The following SHISA9 variants were observed in gnomAD, a reference collection of about 807,000 sequenced individuals.
The protein encoded by SHISA9 is protein shisa-9.
In SHISA9, 13 loss-of-function variants were observed where a neutral mutation model predicts 38.0. The observed-to-expected ratio is 0.34, with a 90% confidence interval of 0.22 to 0.54. The LOEUF (loss-of-function observed/expected upper bound fraction) is 0.54. Ranked by LOEUF, SHISA9 falls within the 20% of genes least tolerant of loss-of-function variation. The pLI is 0.91. For missense variants in SHISA9, 538 were observed against 575.8 expected, an observed-to-expected ratio of 0.93 and a Z score of 0.67; for synonymous variants, 275 against 242.0, an observed-to-expected ratio of 1.14 and a Z score of -1.27.
intron 2 of SHISA9, among the ~76,000 whole-genome samples, chr16:13,134,832 C>T (rs1299543608): frequency 1.3e-5 from 2 of 152,152 alleles, no homozygotes; most frequent in Non-Finnish European, 2.9e-5. Context: ...GTGCCTCTAG[C>T]TCTGCTCCAT....
the SHISA9 span, among the ~76,000 whole-genome samples, chr16:13,259,496 C>G: frequency 6.6e-6 from 1 of 152,228 alleles, no homozygotes; most frequent in African/African-American, 2.4e-5. Flanking sequence ...TGTGGGGGCT[C>G]CAACCTCACA....
At chr16:12,912,464 T>C (rs1175593218) in intron 1 of SHISA9, among the ~76,000 whole-genome samples, 1 of 152,056 alleles carries the variant, frequency 6.6e-6, no homozygotes, top group Non-Finnish European at 1.5e-5. Context: ...GTGGGGGACT[T>C]CTTAGAAAAT....
intron 1 of SHISA9, among the ~76,000 whole-genome samples, chr16:12,906,238 G>A (rs1157711406): frequency 6.6e-6 from 1 of 152,230 alleles, no homozygotes; most frequent in Non-Finnish European, 1.5e-5. Context: ...CTGAATGGGG[G>A]TTTGTTCTCA....
chr16:13,377,223 G>A, the SHISA9 span, among the ~76,000 whole-genome samples: 905 of 152,206 alleles, frequency 5.9e-3, 14 homozygotes, highest in African/African-American at 0.021. Context: ...CCTTAGGGGC[G>A]GCATTCATGT....
intron 4 of SHISA9, among the ~76,000 whole-genome samples, chr16:13,233,284 G>C (rs1234732224): frequency 6.6e-6 from 1 of 150,478 alleles, no homozygotes; most frequent in East Asian, 2.0e-4. Context: ...TGAAGGAAGA[G>C]AGGGAGGGAG....
chr16:13,556,134 G>A, the SHISA9 span, among the ~76,000 whole-genome samples: 6 of 152,266 alleles, frequency 3.9e-5, no homozygotes, highest in Non-Finnish European at 7.4e-5. Context: ...CCTTCAGGAC[G>A]TGTGTTTATT....
chr16:12,957,866 A>T (rs1229159751), intron 2 of SHISA9, among the ~76,000 whole-genome samples: 1 of 152,188 alleles, frequency 6.6e-6, no homozygotes, highest in Non-Finnish European at 1.5e-5. Context: ...TACATGATCC[A>T]GAGACAGAGA....
At chr16:13,062,960 C>T (rs1451172640) in intron 2 of SHISA9, among the ~76,000 whole-genome samples, 3 of 143,622 alleles carry the variant, frequency 2.1e-5, no homozygotes, top group Non-Finnish European at 3.1e-5. Context: ...GGCGTGCTTT[C>T]GGACGCATCC....
Position 13,118,296 on chromosome 16 carries a change from C to T in SHISA9, c.692-85098C>T, listed in dbSNP as rs2074051171. ...AGGGGCACACAGGAAGGTCAGGCAA[C>T]CTGACAGGGAGGTATGTGTGTGGGT... On this transcript the variant is annotated intron_variant, in intron 2 of 4. Coordinates refer to ENST00000558583, the MANE Select transcript of SHISA9 (RefSeq NM_001145204.3). Among the ~76,000 whole-genome samples the T allele has an allele frequency of 3.3e-5, 5 of 151,728 alleles. No homozygotes were observed. In the South Asian group the frequency reaches 8.3e-4, roughly 25 times the overall value.
At chr16:13,354,112 C>A in the SHISA9 span, among the ~76,000 whole-genome samples, 1 of 149,474 alleles carries the variant, frequency 6.7e-6, no homozygotes. Flanking sequence ...TGGGGCAAAT[C>A]CTCGAGCTTG....
At chr16:13,405,586 G>A in the SHISA9 span, among the ~76,000 whole-genome samples, 1 of 152,166 alleles carries the variant, frequency 6.6e-6, no homozygotes, top group Non-Finnish European at 1.5e-5. Flanking sequence ...CAGGCACTAA[G>A]CATAGTAACC....
the SHISA9 span, among the ~76,000 whole-genome samples, chr16:13,309,002 T>C: frequency 0.019 from 2,921 of 152,328 alleles, 77 homozygotes; most frequent in African/African-American, 0.066. Flanking sequence ...AGAGTTTCTC[T>C]AACAAGGTCT....
the SHISA9 span, among the ~76,000 whole-genome samples, chr16:13,448,615 C>T: frequency 6.6e-6 from 1 of 152,344 alleles, no homozygotes; most frequent in African/African-American, 2.4e-5. Context: ...GTCCTCCCTA[C>T]TCATTTCTCA....
chr16:13,531,776 T>G, the SHISA9 span, among the ~76,000 whole-genome samples: 1 of 151,954 alleles, frequency 6.6e-6, no homozygotes, highest in African/African-American at 2.4e-5. Context: ...TGGGGCGGTG[T>G]GGGGGGCAGG....
chr16:13,522,947 A>G, the SHISA9 span, among the ~76,000 whole-genome samples: 1 of 152,182 alleles, frequency 6.6e-6, no homozygotes, highest in Admixed American at 6.5e-5. Flanking sequence ...GTTAAGCAAC[A>G]TGGAGTATCA....
the SHISA9 span, among the ~76,000 whole-genome samples, chr16:13,403,545 A>G: frequency 6.6e-6 from 1 of 152,284 alleles, no homozygotes; most frequent in Non-Finnish European, 1.5e-5. Flanking sequence ...CCTAATCTCT[A>G]TTGGGTTTGA....
intron 2 of SHISA9, among the ~76,000 whole-genome samples, chr16:12,991,604 G>A (rs927195723): frequency 2.6e-5 from 4 of 152,140 alleles, no homozygotes; most frequent in African/African-American, 9.7e-5. Context: ...ACAAGTTATT[G>A]CAATTGCTGA....
Position 13,239,225 on chromosome 16 carries a change from C to G in SHISA9, c.*3816C>G, listed in dbSNP as rs1476409222. 6.6e-6 allele frequency: 1 copy of G among 151,968 alleles called. No individual in the cohort carries two copies. The highest frequency in any genetic ancestry group is 1.5e-5 in the Non-Finnish European group (1 of 68,004). 9.4% of individuals were successfully genotyped at this position (151,968 alleles called of 1,614,324 possible). On this transcript the variant is annotated 3_prime_UTR_variant, in exon 5 of 5. Coordinates refer to ENST00000558583, the MANE Select transcript of SHISA9 (RefSeq NM_001145204.3). ...TGTATATGTGCCACATTTTCTTAAT[C>G]CAGTCTATCCTTGTTGGACTTTTGG...
At chr16:12,906,598 A>G (rs1303225190) in intron 1 of SHISA9, among the ~76,000 whole-genome samples, 1 of 152,236 alleles carries the variant, frequency 6.6e-6, no homozygotes, top group Non-Finnish European at 1.5e-5. Flanking sequence ...CAAACCATGT[A>G]GTCATGCTTT....
Sources: allele counts gnomAD v4.1 joint callset (sites outside exome capture counted in the v4.1 genomes callset), GRCh38; gene constraint gnomAD v4.1.1; transcripts MANE v1.5; gene names NCBI Gene and HGNC (gene_info 2026-07-23, HGNC 2026-07-21).